ATP2B1: variants seen among roughly 807,000 people sequenced by gnomAD.
ATP2B1 encodes the protein plasma membrane calcium-transporting ATPase 1.
ATP2B1 carries 14 observed loss-of-function variants against 124.2 expected under a neutral mutation model. That is an observed-to-expected ratio of 0.11 (90% CI 0.07 to 0.18). The LOEUF (loss-of-function observed/expected upper bound fraction) is 0.18. Among genes scored for constraint, ATP2B1 ranks in the 10% least tolerant of loss-of-function variants. The probability of loss-of-function intolerance (pLI) is 1.00; values close to 1 mark genes in which losing one functional copy is unlikely to be tolerated. For synonymous variants in ATP2B1, 449 were observed against 492.4 expected, an observed-to-expected ratio of 0.91 and a Z score of 1.17; for missense variants, 763 against 1,466.1, an observed-to-expected ratio of 0.52 and a Z score of 7.83.
intron 2 of ATP2B1, among the ~76,000 whole-genome samples, chr12:89,644,445 A>C (rs36010888): frequency 0.096 from 14,573 of 152,140 alleles, 898 homozygotes; most frequent in African/African-American, 0.17. Context: ...GGATTCAACA[A>C]GATTCAAAGA....
In ATP2B1 at chr12:89,621,645, A is replaced by G. The variant is rs771406486; in HGVS notation, c.1491T>C (p.Tyr497=). 6.2e-6 allele frequency: 10 copies of G among 1,611,766 alleles called. No homozygotes were observed. In the Admixed American group the frequency reaches 1.7e-4, roughly 27 times the overall value. The change falls in exon 10 of 21, where the codon TAT becomes TAC. Residue 497 remains tyrosine (Y), a synonymous_variant. Transcript: ENST00000428670. ...VVQAYINEKH[Y]KKVPEPEAIP... ...TAGCTTCTGGTTCAGGAACCTTTTT[A>G]TAATGTTTTTCATTTATGTAAGCTT...
intron 3 of ATP2B1, among the ~76,000 whole-genome samples, chr12:89,640,252 T>C (rs1883300821): frequency 1.3e-5 from 2 of 152,210 alleles, no homozygotes; most frequent in Admixed American, 6.5e-5. Flanking sequence ...AAATAGGTAC[T>C]ACTTATTTAG....
At position 89,642,360 on chromosome 12, in the gene ATP2B1, T is replaced by TA. The variant is rs1336331741; in HGVS notation, c.209-6dup. On this transcript the variant is annotated splice_region_variant and splice_polypyrimidine_tract_variant and intron_variant, in intron 2 of 20. Transcript: ENST00000428670. ...CTGCAGGGTTTCCACTTAAACCTAA[T>TA]AAAAAGAAACAAATTTCAGTGAACA... The TA allele has an allele frequency of 2.5e-6, 4 of 1,597,548 alleles. No homozygotes were observed. Among genetic ancestry groups the TA allele is most frequent in the Non-Finnish European group, 3.4e-6 (4 of 1,174,606 alleles).
At chr12:89,643,006 T>C (rs1333783590) in intron 2 of ATP2B1, among the ~76,000 whole-genome samples, 3 of 151,526 alleles carry the variant, frequency 2.0e-5, no homozygotes, top group Non-Finnish European at 4.4e-5. Flanking sequence ...GAGTTAAACA[T>C]TTCCCTGACC....
chr12:89,647,788 C>T lies in ATP2B1; in HGVS notation c.209-5433G>A, dbSNP rs775620724. 4.2e-4 allele frequency among the ~76,000 whole-genome samples: 64 copies of T among 151,956 alleles called. 1 individual carries two copies. Among genetic ancestry groups the T allele is most frequent in the Non-Finnish European group, 5.1e-4 (35 of 68,002 alleles). On this transcript the variant is annotated intron_variant, in intron 2 of 20. Coordinates refer to ENST00000428670, the MANE Select transcript of ATP2B1 (RefSeq NM_001366521.1). ...TAGTGGGGTAATTGGATCATGGGGG[C>T]GAATCCTTCATGAATGGTTCAGCAT...
In ATP2B1 at chr12:89,626,898, G is replaced by C. The variant is rs1592781846; in HGVS notation, c.968-283C>G. On this transcript the variant is annotated intron_variant, in intron 7 of 20. Transcript: ENST00000428670. The stretch of plus-strand genomic sequence containing the variant: ...AAGAATACTAAATTTCTTTTCCTGT[G>C]TGTTATGTTAGGTAACATCTAAACA... Among the ~76,000 whole-genome samples the C allele has an allele frequency of 5.3e-5, 8 of 152,220 alleles. No homozygotes were observed. The South Asian group carries it at 1.7e-3, about 32-fold the overall frequency.
chr12:89,656,790 A>G (rs1886003874), intron 1 of ATP2B1, among the ~76,000 whole-genome samples: 1 of 151,230 alleles, frequency 6.6e-6, no homozygotes, highest in East Asian at 1.9e-4. Context: ...GAAATTCTCT[A>G]CTCTTTTGTT....
chr12:89,612,547 GAAAC>G (rs1237855567), intron 12 of ATP2B1, among the ~76,000 whole-genome samples: 1 of 151,984 alleles, frequency 6.6e-6, no homozygotes, highest in African/African-American at 2.4e-5. Flanking sequence ...GCAAAAGAAA[GAAAC>G]AGAGATTTGT....
chr12:89,677,834 A>G (rs1888798503), intron 1 of ATP2B1, among the ~76,000 whole-genome samples: 1 of 151,812 alleles, frequency 6.6e-6, no homozygotes, highest in Non-Finnish European at 1.5e-5. Flanking sequence ...AAAGCATAAA[A>G]GACAAGTTTC....
intron 1 of ATP2B1, among the ~76,000 whole-genome samples, chr12:89,686,418 A>G (rs1226088976): frequency 6.6e-6 from 1 of 152,088 alleles, no homozygotes; most frequent in Non-Finnish European, 1.5e-5. Flanking sequence ...AGAATGCCAG[A>G]TACTGATATG....
chr12:89,627,458 A>C (rs1436594450), intron 7 of ATP2B1, among the ~76,000 whole-genome samples: 1 of 152,084 alleles, frequency 6.6e-6, no homozygotes, highest in Non-Finnish European at 1.5e-5. Flanking sequence ...ATTTCGGATA[A>C]GGGATACTCA....
chr12:89,650,127 G>A (rs1258235141), intron 2 of ATP2B1, among the ~76,000 whole-genome samples: 3 of 152,056 alleles, frequency 2.0e-5, no homozygotes, highest in Non-Finnish European at 4.4e-5. Context: ...ATAGCAGTGC[G>A]CAAACGGAGT....
rs1434063003 is a variant in ATP2B1, at chr12:89,634,922, T to C, written c.662-19A>G. On this transcript the variant is annotated intron_variant, in intron 4 of 20. Coordinates refer to ENST00000428670, the MANE Select transcript of ATP2B1 (RefSeq NM_001366521.1). Reference sequence around the variant, plus strand: ...AGATCACCTAAAATAAAAAGCATGATATACTAAACTTATAAACAAGATTAC... The same window carrying C: ...AGATCACCTAAAATAAAAAGCATGACATACTAAACTTATAAACAAGATTAC... 1.2e-6 allele frequency: 2 copies of C among 1,610,328 alleles called. No homozygotes were observed. Among genetic ancestry groups the C allele is most frequent in the Non-Finnish European group, 8.5e-7 (1 of 1,178,338 alleles).
intron 1 of ATP2B1, among the ~76,000 whole-genome samples, chr12:89,659,049 T>C (rs1476628825): frequency 6.6e-6 from 1 of 152,154 alleles, no homozygotes; most frequent in Non-Finnish European, 1.5e-5. Flanking sequence ...TTGACAAAAA[T>C]ACGAAGGACA....
chr12:89,681,211 T>C (rs370274857), intron 1 of ATP2B1, among the ~76,000 whole-genome samples: 49 of 152,086 alleles, frequency 3.2e-4, no homozygotes, highest in African/African-American at 1.1e-3. Context: ...ACAGATATAC[T>C]GAATAAAAAT....
At chr12:89,599,880 G>A (rs769519767) in intron 19 of ATP2B1, among the ~76,000 whole-genome samples, 8 of 152,104 alleles carry the variant, frequency 5.3e-5, no homozygotes, top group African/African-American at 1.9e-4. Flanking sequence ...ACCAATACAC[G>A]TATATTAGCT....
At chr12:89,652,430 T>C (rs1436689861) in intron 2 of ATP2B1, among the ~76,000 whole-genome samples, 1 of 152,208 alleles carries the variant, frequency 6.6e-6, no homozygotes, top group African/African-American at 2.4e-5. Flanking sequence ...AATCAATAAA[T>C]GAATGAACTA....
At chr12:89,621,495 C>CT in intron 10 of ATP2B1, 54 bp downstream of exon 10, 2 of 1,354,184 alleles carry the variant, frequency 1.5e-6, no homozygotes, top group Non-Finnish European at 2.0e-6. Flanking sequence ...TACATATAGT[C>CT]TGATCATTAT....
At chr12:89,596,209 G>A (rs908478628) in intron 20 of ATP2B1, among the ~76,000 whole-genome samples, 4 of 151,964 alleles carry the variant, frequency 2.6e-5, no homozygotes, top group African/African-American at 9.7e-5. Context: ...TTAAATATTG[G>A]TAAATAAAAA....
Sources: gnomAD v4.1 joint callset for allele counts (sites outside exome capture counted in the v4.1 genomes callset) on GRCh38, gnomAD v4.1.1 for gene constraint, MANE v1.5 for transcripts, NCBI Gene and HGNC (gene_info 2026-07-23, HGNC 2026-07-21) for gene names.